The following FRMPD4 variants were observed in gnomAD, a reference collection of about 807,000 sequenced individuals.
FRMPD4 encodes FERM and PDZ domain-containing protein 4.
Under a neutral mutation model 94.1 loss-of-function variants are expected in FRMPD4, and 22 were observed. That is an observed-to-expected ratio of 0.23 (90% CI 0.17 to 0.33). The LOEUF (loss-of-function observed/expected upper bound fraction) is 0.33, where lower values mean the gene tolerates loss of function less well. Among genes scored for constraint, FRMPD4 ranks in the 10% least tolerant of loss-of-function variants. FRMPD4 has a pLI of 1.00. For synonymous variants in FRMPD4, 631 were observed against 548.6 expected (o/e 1.15, Z -2.10); for missense variants, 1,111 against 1,339.9 (o/e 0.83, Z 2.67).
At chrX:12,715,998 G>GCCGGGCCC in intron 14 of FRMPD4, 71 bp from the exon 15 acceptor site, 1 of 383,857 alleles carries the variant, frequency 2.6e-6, no homozygotes, top group Non-Finnish European at 4.7e-6. Context: ...ACAGAGACGA[G>GCCGGGCCC]CCTCCCACCC....
intron 1 of FRMPD4, among the ~76,000 whole-genome samples, chrX:11,848,137 G>A (rs762916031): frequency 1.6e-4 from 18 of 110,851 alleles, no homozygotes; most frequent in Non-Finnish European, 3.2e-4. Context: ...GTACATTTTA[G>A]ACAATATATT....
At chrX:12,429,772 C>T (rs773463457) in intron 1 of FRMPD4, among the ~76,000 whole-genome samples, 7 of 111,921 alleles carry the variant, frequency 6.3e-5, no homozygotes, top group Non-Finnish European at 1.1e-4. Flanking sequence ...GTTGGCAATG[C>T]GATAGGATTA....
chrX:12,567,348 G>C (rs2058723599), intron 2 of FRMPD4, among the ~76,000 whole-genome samples: 1 of 111,990 alleles, frequency 8.9e-6, no homozygotes, highest in Non-Finnish European at 1.9e-5. Context: ...GTCCCTTTGT[G>C]ATGTTTCTGT....
chrX:12,585,688 CT>C lies in FRMPD4; in HGVS notation c.159-24032del, dbSNP rs1325351499. Among the ~76,000 whole-genome samples the C allele has an allele frequency of 9.8e-5, 11 of 112,038 alleles. No homozygotes were observed. In the Admixed American group the frequency reaches 1.0e-3, roughly 11 times the overall value. ...TTCCTTTGCATTTCAGCAAAAGTCA[CT>C]CTGGACTTGCTCCGTCCAATACAGA... is the stretch of plus-strand genomic sequence containing the variant. On this transcript the variant is annotated intron_variant, in intron 2 of 16. Coordinates refer to ENST00000675598, the MANE Select transcript of FRMPD4 (RefSeq NM_001368397.1).
intron 1 of FRMPD4, among the ~76,000 whole-genome samples, chrX:12,460,137 A>T (rs1274502227): frequency 8.9e-6 from 1 of 112,049 alleles, no homozygotes; most frequent in East Asian, 2.8e-4. Context: ...ATTGTATCAA[A>T]TCTTTACATA....
intron 2 of FRMPD4, among the ~76,000 whole-genome samples, chrX:12,588,558 A>T (rs1237703914): frequency 8.9e-6 from 1 of 112,567 alleles, no homozygotes; most frequent in African/African-American, 3.2e-5. Context: ...GTATTTTACA[A>T]CTATATCATA....
intron 14 of FRMPD4, among the ~76,000 whole-genome samples, chrX:12,714,433 TA>T (rs1178473688): frequency 1.8e-5 from 2 of 111,555 alleles, no homozygotes; most frequent in African/African-American, 3.3e-5. Flanking sequence ...TTAGGGCCCA[TA>T]AAGATAATTA....
chrX:11,979,141 T>C, intron 3 of FRMPD4, among the ~76,000 whole-genome samples: 1 of 111,603 alleles, frequency 9.0e-6, no homozygotes, highest in Non-Finnish European at 1.9e-5. Flanking sequence ...TACCGCTTCC[T>C]GTCCACCCAG....
At position 12,718,323 on chromosome X, in the gene FRMPD4, C is replaced by G; in HGVS notation, c.3497C>G (p.Pro1166Arg). 1 of 1,211,112 alleles carries G rather than the reference C, an allele frequency of 8.3e-7. No individual in the cohort carries two copies. Among genetic ancestry groups the G allele is most frequent in the Non-Finnish European group, 1.1e-6 (1 of 894,753 alleles). ...CASSAKDLDN[P>R]EDADSSTCDH... ...TCTTCAGCCAAAGACTTAGATAACC[C>G]AGAGGACGCTGACTCGTCCACCTGC... is the stretch of plus-strand genomic sequence containing the variant. The change falls in exon 16 of 17, where the codon CCA (proline) becomes CGA (arginine). Residue 1166 changes from proline (P) to arginine (R), a missense_variant. Pro to Arg is a moderately radical substitution (Grantham distance 103, BLOSUM62 -2). Around this residue, in one of 8 missense-constraint regions of FRMPD4, gnomAD observed 551 missense variants for 591.6 expected, o/e 0.93. Transcript: ENST00000675598.
At chrX:12,412,977 TA>T (rs201136609) in intron 1 of FRMPD4, among the ~76,000 whole-genome samples, 1,034 of 102,664 alleles carry the variant, frequency 0.01, 11 homozygotes, top group East Asian at 0.085. Context: ...ATAGTCATAG[TA>T]AAAAAAAAAA....
rs776184629 is a variant in FRMPD4, at chrX:12,712,327, T to C, written c.1609+1790T>C. ...GCTTTGGGAGGCTGAGGCAGGAGGA[T>C]CACTTGAGCACAGGAGTTTGAGATC... On this transcript the variant is annotated intron_variant, in intron 14 of 16. Transcript: ENST00000675598. 4.5e-5 allele frequency among the ~76,000 whole-genome samples: 5 copies of C among 110,371 alleles called. No homozygotes were observed. The South Asian group carries it at 1.6e-3, about 34-fold the overall frequency.
intron 1 of FRMPD4, among the ~76,000 whole-genome samples, chrX:12,325,270 A>G (rs5935297): frequency 0.17 from 18,969 of 111,984 alleles, 1,259 homozygotes; most frequent in Non-Finnish European, 0.2. Flanking sequence ...AATGTATCTA[A>G]GCTGAATAAC....
rs769747076 is a variant in FRMPD4, at chrX:12,515,004, T to C, written c.158+16208T>C. 3.6e-5 allele frequency among the ~76,000 whole-genome samples: 4 copies of C among 112,183 alleles called. No homozygotes were observed. The South Asian group carries it at 1.1e-3, about 31-fold the overall frequency. On this transcript the variant is annotated intron_variant, in intron 2 of 16. Coordinates refer to ENST00000675598, the MANE Select transcript of FRMPD4 (RefSeq NM_001368397.1). Reference sequence around the variant, plus strand: ...TTCTAGATTTTCTAGTTTGTTTGCATAGAGGTATTTATAGTATGCTCTGAT... The same window carrying C: ...TTCTAGATTTTCTAGTTTGTTTGCACAGAGGTATTTATAGTATGCTCTGAT...
rs2056988294 is a variant in FRMPD4 at position 12,429,492 on chromosome X, TCTTCCACCAAAGCACCTAG to T, written c.42-69179_42-69161del. ...TTGCTTCTCCCATTAGCACCCCACC[TCTTCCACCAAAGCACCTAG>T]CTTCCACCTTTCTCCTCCGTGCTAA... is the stretch of plus-strand genomic sequence containing the variant. On this transcript the variant is annotated intron_variant, in intron 1 of 16. Transcript: ENST00000675598. 1.4e-4 allele frequency among the ~76,000 whole-genome samples: 16 copies of T among 111,962 alleles called. No individual in the cohort carries two copies. In the South Asian group the frequency reaches 6.0e-3, roughly 42 times the overall value.
intron 1 of FRMPD4, among the ~76,000 whole-genome samples, chrX:12,459,511 T>G (rs1449767603): frequency 2.7e-5 from 3 of 111,533 alleles, no homozygotes; most frequent in Non-Finnish European, 5.7e-5. Context: ...CTAACTGGCT[T>G]TCTGCTATTA....
At chrX:12,307,634 T>C (rs2054963706) in intron 1 of FRMPD4, among the ~76,000 whole-genome samples, 1 of 112,077 alleles carries the variant, frequency 8.9e-6, no homozygotes, top group Non-Finnish European at 1.9e-5. Context: ...AAATAGTCTG[T>C]ATACATGAGT....
chrX:11,968,667 G>A (rs976705956), intron 3 of FRMPD4, among the ~76,000 whole-genome samples: 5 of 111,087 alleles, frequency 4.5e-5, no homozygotes, highest in African/African-American at 1.3e-4. Flanking sequence ...TGAATCTCTC[G>A]GTTGGCCACT....
At chrX:12,168,660 C>G in intron 1 of FRMPD4, among the ~76,000 whole-genome samples, 1 of 83,652 alleles carries the variant, frequency 1.2e-5, no homozygotes, top group East Asian at 4.2e-4. Context: ...GAGTCTCACT[C>G]TGTCACCCAG....
intron 1 of FRMPD4, among the ~76,000 whole-genome samples, chrX:11,860,410 G>A (rs895748934): frequency 1.8e-5 from 2 of 111,840 alleles, no homozygotes; most frequent in African/African-American, 6.5e-5. Flanking sequence ...TGACTCAGGT[G>A]GTGTTTGCAA....
Sources: gnomAD v4.1 joint callset for allele counts (sites outside exome capture counted in the v4.1 genomes callset) on GRCh38, gnomAD v4.1.1 for gene constraint, gnomAD v4.1.1 regional missense constraint, MANE v1.5 for transcripts, NCBI Gene and HGNC (gene_info 2026-07-23, HGNC 2026-07-21) for gene names.